Variants in FBF1 observed in about 807,000 individuals in gnomAD.
FBF1 encodes fas-binding factor 1.
In FBF1, 119 loss-of-function variants were observed where a neutral mutation model predicts 147.2. The observed-to-expected ratio is 0.81, with a 90% confidence interval of 0.70 to 0.94. The LOEUF (loss-of-function observed/expected upper bound fraction) is 0.94. Ranked by LOEUF, FBF1 falls within the 40% of genes least tolerant of loss-of-function variation. FBF1 has a pLI of 0.00. For missense variants in FBF1, 1,449 were observed against 1,500.8 expected, an observed-to-expected ratio of 0.97 and a Z score of 0.57; for synonymous variants, 601 against 609.0, an observed-to-expected ratio of 0.99 and a Z score of 0.19.
Position 75,919,732 on chromosome 17 carries a change from G to T in FBF1, c.2074C>A (p.Arg692=). 1 of 1,613,082 alleles carries T rather than the reference G, an allele frequency of 6.2e-7. No homozygotes were observed. The highest frequency in any genetic ancestry group is 1.1e-5 in the South Asian group (1 of 91,068). ...TCCTGCGCTATGGCCGCCAAGCGCC[G>T]CTGGTGCTGGGCCGTAAGCTCAGCA... ...ARAELTAQHQ[R]RLAAIAQEKD... is the part of the protein sequence containing the mutation. The change falls in exon 20 of 30, where the codon CGG becomes AGG. Residue 692 remains arginine (R), a synonymous_variant. Transcript: ENST00000636174. The surrounding 1 kb of genome is among the most constrained non-coding windows in gnomAD (Gnocchi z 5.0).
chr17:75,915,201 T>G (rs2065481637), intron 23 of FBF1, 62 bp from the exon 24 acceptor site: 2 of 1,543,170 alleles, frequency 1.3e-6, no homozygotes, highest in African/African-American at 2.7e-5. Flanking sequence ...GCCTGGCCAC[T>G]CCCTGAGAAG....
Position 75,917,688 on chromosome 17 carries a change from C to A in FBF1, c.2505+44G>T. 4 of 1,514,046 alleles carry A rather than the reference C, an allele frequency of 2.6e-6. No individual in the cohort carries two copies. In the South Asian group the frequency reaches 3.7e-5, roughly 14 times the overall value. 93.8% of individuals were successfully genotyped at this position (1,514,046 alleles called of 1,614,324 possible). A position where few individuals can be genotyped will look rare whatever the true frequency, so the allele number is the denominator to read the frequency against. ...ACTTGCGGGTGCCCTGGAGAAGAGG[C>A]CCCGTGGCAGGAGGGGCAGGAGGGC... On this transcript the variant is annotated intron_variant, in intron 23 of 29. Transcript: ENST00000636174.
chr17:75,931,270 C>T lies in FBF1; in HGVS notation c.187G>A (p.Val63Ile). 6.3e-7 allele frequency: 1 copy of T among 1,584,098 alleles called. No individual in the cohort carries two copies. The highest frequency in any genetic ancestry group is 1.3e-5 in the African/African-American group (1 of 74,416). ...TCCAGGCCTGCCATGGTGCTGAAGACATCATCACCCAGGAGGGACCTGCAA... is the reference window on the plus strand; with the variant it reads ...TCCAGGCCTGCCATGGTGCTGAAGATATCATCACCCAGGAGGGACCTGCAA... The part of the protein sequence containing the change: ...ARTKSLLGDD[V>I]FSTMAGLEEA... Residue 63 changes from valine (V) to isoleucine (I), a missense_variant, in exon 6 of 30, where the codon GTC (valine) becomes ATC (isoleucine). Physicochemically the swap from Val to Ile is conservative, Grantham distance 29. Coordinates refer to ENST00000636174, the MANE Select transcript of FBF1 (RefSeq NM_001319193.2).
In FBF1 at chr17:75,921,560, C is replaced by A; in HGVS notation, c.1527G>T (p.Gly509=). 1 of 1,611,250 alleles carries A rather than the reference C, an allele frequency of 6.2e-7. No homozygotes were observed. Among genetic ancestry groups the A allele is most frequent in the Non-Finnish European group, 8.5e-7 (1 of 1,178,870 alleles). The change falls in exon 16 of 30, where the codon GGG becomes GGT. Residue 509 remains glycine (G), a splice_region_variant and synonymous_variant. Transcript: ENST00000636174. ...CGGCATGGTTCTGAGTCACAGGGGA[C>A]CTGAGGACACAGGGATGGGGCATGG... ...ERPCVRPGVS[G]SPVTQNHAAS...
rs770681038 is a variant in FBF1 at position 75,921,276 on chromosome 17, G to C, written c.1642C>G (p.Gln548Glu). The change falls in exon 17 of 30, where the codon CAG (glutamine) becomes GAG (glutamate). Residue 548 changes from glutamine (Q) to glutamate (E), a missense_variant. Physicochemically the swap from Gln to Glu is conservative, Grantham distance 29. Coordinates refer to ENST00000636174, the MANE Select transcript of FBF1 (RefSeq NM_001319193.2). ...GGCACGGAAGGCTCTGTGGGTTTCT[G>C]GGTGCTCGGGAAACACGTGGCAGGC... ...TEPATCFPST[Q>E]KPTEPSVPVQ... 19 of 1,593,168 alleles carry C rather than the reference G, an allele frequency of 1.2e-5. 1 individual carries two copies. In the South Asian group the frequency reaches 2.2e-4, roughly 18 times the overall value.
At position 75,923,677 on chromosome 17, in the gene FBF1, ACAGCCAGTCCCAGTGGCCCCCTAG is replaced by A; in HGVS notation, c.969-60_969-37del. On this transcript the variant is annotated intron_variant, in intron 13 of 29. Coordinates refer to ENST00000636174, the MANE Select transcript of FBF1 (RefSeq NM_001319193.2). This position sits in a 1 kb window ranked among gnomAD's most constrained non-coding sequence, Gnocchi z 4.1. ...GAAAGGAGGGTGTCAGGCAGGGGAAACAGCCAGTCCCAGTGGCCCCCTAGCAGCCTGCAGCTGGGCGTCACGATG... is the reference window on the plus strand; with the variant it reads ...GAAAGGAGGGTGTCAGGCAGGGGAAACAGCCTGCAGCTGGGCGTCACGATG... 6.5e-7 allele frequency: 1 copy of A among 1,530,500 alleles called. No homozygotes were observed. Among genetic ancestry groups the A allele is most frequent in the Admixed American group, 2.0e-5 (1 of 50,198 alleles). 94.8% of individuals were successfully genotyped at this position (1,530,500 alleles called of 1,614,324 possible).
chr17:75,913,468 T>A (rs2065467467), intron 28 of FBF1: 1 of 433,386 alleles, frequency 2.3e-6, no homozygotes, highest in African/African-American at 2.1e-5. Flanking sequence ...TTTTTTTATT[T>A]CCTTTTTTTT....
chr17:75,939,291 T>C (rs2065644841), intron 1 of FBF1, among the ~76,000 whole-genome samples: 1 of 109,178 alleles, frequency 9.2e-6, no homozygotes, highest in Non-Finnish European at 1.7e-5. Flanking sequence ...CGAGACTCTG[T>C]CTCCAAAAAA....
Position 75,931,305 on chromosome 17 carries a change from G to A in FBF1, c.168-16C>T, listed in dbSNP as rs759225300. The A allele has an allele frequency of 7.6e-6, 12 of 1,574,510 alleles. No individual in the cohort carries two copies. Among genetic ancestry groups the A allele is most frequent in the Middle Eastern group, 1.7e-4 (1 of 5,838 alleles). ...CAGGAGGGACCTGCAAAGGGGAGGC[G>A]TCAGCCCCTACCTGCATCCCAGGGC... On this transcript the variant is annotated splice_polypyrimidine_tract_variant and intron_variant, in intron 5 of 29. Coordinates refer to ENST00000636174, the MANE Select transcript of FBF1 (RefSeq NM_001319193.2).
chr17:75,930,003 G>A lies in FBF1; in HGVS notation c.273C>T (p.Ala91=), dbSNP rs1371794761. The A allele has an allele frequency of 7.7e-7, 1 of 1,295,352 alleles. No homozygotes were observed. Among genetic ancestry groups the A allele is most frequent in the Non-Finnish European group, 1.0e-6 (1 of 998,746 alleles). 80.2% of individuals were successfully genotyped at this position (1,295,352 alleles called of 1,614,324 possible). Residue 91 remains alanine, a synonymous_variant, in exon 7 of 30, where the codon GCC becomes GCT. Transcript: ENST00000636174. The part of the protein sequence containing the change: ...SEADPQALLQ[A]MKDLDGMDAD... ...GTGCAAGCTGTTTCCTTACCTTCATGGCCTGGAGCAGAGCCTGTGGGTCTG... is the reference window on the plus strand; with the variant it reads ...GTGCAAGCTGTTTCCTTACCTTCATAGCCTGGAGCAGAGCCTGTGGGTCTG...
chr17:75,929,331 T>TA (rs201977631), intron 7 of FBF1, among the ~76,000 whole-genome samples: 35 of 150,084 alleles, frequency 2.3e-4, no homozygotes, highest in Admixed American at 5.3e-4. Context: ...ATGGTGTCTC[T>TA]AAAAAAAAAC....
At chr17:75,912,363 G>A in intron 28 of FBF1, 56 bp from the exon 29 acceptor site, 1 of 1,349,218 alleles carries the variant, frequency 7.4e-7, no homozygotes, top group African/African-American at 1.5e-5. Flanking sequence ...ATACCGGGCG[G>A]TCACAGCTTG....
rs547724947 is a variant in FBF1 at position 75,910,919 on chromosome 17, C to G, written c.3364-113G>C. 5.9e-6 allele frequency: 5 copies of G among 845,978 alleles called. No homozygotes were observed. Among genetic ancestry groups the G allele is most frequent in the Non-Finnish European group, 9.5e-6 (5 of 528,392 alleles). The allele number at this position is 845,978 out of a possible 1,614,324, so 52.4% of individuals were successfully genotyped here. On this transcript the variant is annotated intron_variant, in intron 29 of 29. Transcript: ENST00000636174. This position sits in a 1 kb window ranked among gnomAD's most constrained non-coding sequence, Gnocchi z 4.1. ...AGGCCCCTCCCCACATCGTCCCTGA[C>G]TCTGCCTGGCTCTGGGAGTCAGCAG...
chr17:75,926,373 A>G lies in FBF1; in HGVS notation c.649T>C (p.Leu217=). 6.2e-7 allele frequency: 1 copy of G among 1,609,474 alleles called. No individual in the cohort carries two copies. ...GDTPIRKKEE[L]LFDDGDDIMA... ...ATGTCATCCCCATCATCAAACAACA[A>G]TTCTTCTTTTTTTCGGATGGGGGTG... is the stretch of plus-strand genomic sequence containing the variant. Residue 217 remains leucine, a synonymous_variant, in exon 11 of 30, where the codon TTG becomes CTG. Coordinates refer to ENST00000636174, the MANE Select transcript of FBF1 (RefSeq NM_001319193.2).
Position 75,935,642 on chromosome 17 carries a change from TAGA to T in FBF1, c.60_62del (p.Leu21del), listed in dbSNP as rs754449812. The T allele has an allele frequency of 5.2e-6, 8 of 1,536,654 alleles. No homozygotes were observed. In the African/African-American group the frequency reaches 8.2e-5, roughly 16 times the overall value. On this transcript the variant is annotated inframe_deletion, in exon 4 of 30. Coordinates refer to ENST00000636174, the MANE Select transcript of FBF1 (RefSeq NM_001319193.2). ...GCAAGGCACACTTACTATCATCCCC[TAGA>T]AGGTCACCAAGAAAATCATCAATGG...
Position 75,923,289 on chromosome 17 carries a change from C to G in FBF1, c.1321G>C (p.Ala441Pro), listed in dbSNP as rs2065539666. ...KEEKEDWLSH[A>P]LSRKKSQGLA... Reference sequence around the variant, plus strand: ...CCTTGGGACTTCTTCCGAGACAGGGCATGGCTCAGCCAGTCCTCTTTCTCC... The same window carrying G: ...CCTTGGGACTTCTTCCGAGACAGGGGATGGCTCAGCCAGTCCTCTTTCTCC... The change falls in exon 14 of 30, where the codon GCC (alanine) becomes CCC (proline). Residue 441 changes from alanine (A) to proline (P), a missense_variant. By Grantham distance (27) the Ala-to-Pro change is conservative. Transcript: ENST00000636174. The surrounding 1 kb of genome is among the most constrained non-coding windows in gnomAD (Gnocchi z 4.1). 1.3e-6 allele frequency: 2 copies of G among 1,591,800 alleles called. No homozygotes were observed. Among genetic ancestry groups the G allele is most frequent in the Admixed American group, 3.5e-5 (2 of 56,556 alleles).
chr17:75,916,242 C>T lies in FBF1; in HGVS notation c.2506-1103G>A, dbSNP rs1599482036. 2.0e-5 allele frequency among the ~76,000 whole-genome samples: 3 copies of T among 152,138 alleles called. No homozygotes were observed. In the East Asian group the frequency reaches 5.8e-4, roughly 29 times the overall value. ...AGCTGAGGTGGGAAGATTGCTTGAG[C>T]CCAGGAGGTTCAAGCTGCAGTGGGC... On this transcript the variant is annotated intron_variant, in intron 23 of 29. Transcript: ENST00000636174.
Position 75,923,618 on chromosome 17 carries a change from G to A in FBF1, c.992C>T (p.Ala331Val). 1 of 1,607,892 alleles carries A rather than the reference G, an allele frequency of 6.2e-7. No homozygotes were observed. The highest frequency in any genetic ancestry group is 8.5e-7 in the Non-Finnish European group (1 of 1,177,498). The change falls in exon 14 of 30, where the codon GCA (alanine) becomes GTA (valine). Residue 331 changes from alanine to valine, a missense_variant. Physicochemically the swap from Ala to Val is moderately conservative, Grantham distance 64. Transcript: ENST00000636174. The surrounding 1 kb of genome is among the most constrained non-coding windows in gnomAD (Gnocchi z 4.1). ...SVSRFFADSG[A>V]DPKGEPGSKQ... ...GGAGCCTGGTTCTCCCTTGGGGTCT[G>A]CGCCACTGTCTGCGAAGAACCTACT...
chr17:75,938,555 CAAAAAAAAA>C (rs34602242), intron 1 of FBF1, among the ~76,000 whole-genome samples: 1 of 58,886 alleles, frequency 1.7e-5, no homozygotes, highest in African/African-American at 6.5e-5. Context: ...GACTCCATCT[CAAAAAAAAA>C]AAAAAAAAAA....
Sources: allele counts gnomAD v4.1 joint callset (sites outside exome capture counted in the v4.1 genomes callset), GRCh38; gene constraint gnomAD v4.1.1; non-coding constraint Gnocchi (gnomAD v3.1); transcripts MANE v1.5; gene names NCBI Gene and HGNC (gene_info 2026-07-23, HGNC 2026-07-21).